TAS2R1: variants seen among roughly 807,000 people sequenced by gnomAD.
TAS2R1 encodes taste receptor type 2 member 1.
For missense variants in TAS2R1, 370 were observed against 353.4 expected, an observed-to-expected ratio of 1.05 and a Z score of -0.38; for synonymous variants, 141 against 134.2, an observed-to-expected ratio of 1.05 and a Z score of -0.35.
At chr5:9,831,637 G>A in the TAS2R1 span, among the ~76,000 whole-genome samples, 7 of 143,472 alleles carry the variant, frequency 4.9e-5, no homozygotes, top group East Asian at 1.2e-3. Flanking sequence ...TTTTCAAATC[G>A]TAACATATTA....
upstream of TAS2R1, among the ~76,000 whole-genome samples, chr5:9,632,264 A>G (rs991317467): frequency 1.3e-5 from 2 of 152,234 alleles, no homozygotes; most frequent in Non-Finnish European, 1.5e-5. Context: ...AAAGATATAC[A>G]TACTTTAATT....
In TAS2R1 at chr5:9,708,132, G is replaced by A. The variant is rs151116781; in HGVS notation, c.-242+4040C>T. Among the ~76,000 whole-genome samples the A allele has an allele frequency of 6.7e-3, 1,012 of 152,158 alleles. 8 individuals carry two copies. The highest frequency in any genetic ancestry group is 0.023 in the African/African-American group (957 of 41,528). On this transcript the variant is annotated intron_variant, in intron 1 of 2. Transcript: ENST00000506620. ...AATGAAACAAACTTCAAAGTCCAAAGAGGAAAAAAAGAAGGGCCCGTAGAA... is the reference window on the plus strand; with the variant it reads ...AATGAAACAAACTTCAAAGTCCAAAAAGGAAAAAAAGAAGGGCCCGTAGAA...
chr5:9,725,466 G>A, the TAS2R1 span, among the ~76,000 whole-genome samples: 1 of 152,214 alleles, frequency 6.6e-6, no homozygotes, highest in African/African-American at 2.4e-5. Flanking sequence ...ACCCGGGCCA[G>A]CAGCTGTGAA....
chr5:9,822,236 C>T, the TAS2R1 span, among the ~76,000 whole-genome samples: 7 of 152,224 alleles, frequency 4.6e-5, no homozygotes, highest in African/African-American at 1.4e-4. Flanking sequence ...TGTCACTGTT[C>T]TGATTCCTTG....
intron 1 of TAS2R1, among the ~76,000 whole-genome samples, chr5:9,694,276 A>G (rs766969960): frequency 1.6e-4 from 24 of 152,362 alleles, no homozygotes; most frequent in Admixed American, 1.4e-3. Flanking sequence ...ATTTTAATGC[A>G]TGAAAATGTG....
At chr5:9,682,083 C>T (rs1173513824) in intron 1 of TAS2R1, among the ~76,000 whole-genome samples, 1 of 151,904 alleles carries the variant, frequency 6.6e-6, no homozygotes, top group Non-Finnish European at 1.5e-5. Context: ...TCAGGATAAC[C>T]AAAATGAATT....
chr5:9,667,362 G>A (rs1227923380), intron 1 of TAS2R1, among the ~76,000 whole-genome samples: 1 of 152,098 alleles, frequency 6.6e-6, no homozygotes, highest in Non-Finnish European at 1.5e-5. Context: ...TTTGCCAAAG[G>A]GTACAGCCTC....
the TAS2R1 span, among the ~76,000 whole-genome samples, chr5:9,879,369 T>C: frequency 1.3e-5 from 2 of 152,318 alleles, no homozygotes; most frequent in South Asian, 2.1e-4. Flanking sequence ...TGCATTTCCA[T>C]GATCAAGGGC....
At chr5:9,791,205 C>A in the TAS2R1 span, among the ~76,000 whole-genome samples, 1 of 151,586 alleles carries the variant, frequency 6.6e-6, no homozygotes, top group Non-Finnish European at 1.5e-5. Context: ...CACACACATA[C>A]ACACACACAC....
chr5:9,749,776 A>G, the TAS2R1 span, among the ~76,000 whole-genome samples: 1 of 152,216 alleles, frequency 6.6e-6, no homozygotes, highest in Non-Finnish European at 1.5e-5. Context: ...TTAACACAAC[A>G]AAACTGATTT....
the TAS2R1 span, among the ~76,000 whole-genome samples, chr5:9,835,931 C>A: frequency 6.6e-6 from 1 of 152,044 alleles, no homozygotes; most frequent in African/African-American, 2.4e-5. Context: ...ATCATCAGAC[C>A]CCAGATAAAA....
At chr5:9,705,915 G>A (rs567261430) in intron 1 of TAS2R1, among the ~76,000 whole-genome samples, 3 of 152,180 alleles carry the variant, frequency 2.0e-5, no homozygotes, top group Non-Finnish European at 2.9e-5. Context: ...GAGACCAGCA[G>A]GTCACCTTAC....
the TAS2R1 span, among the ~76,000 whole-genome samples, chr5:9,739,388 G>T: frequency 6.6e-6 from 1 of 152,154 alleles, no homozygotes; most frequent in South Asian, 2.1e-4. Flanking sequence ...ACCCCTGGAG[G>T]CACTATGTGT....
the TAS2R1 span, among the ~76,000 whole-genome samples, chr5:9,857,959 C>T: frequency 6.6e-6 from 1 of 152,100 alleles, no homozygotes; most frequent in African/African-American, 2.4e-5. Context: ...CAGGTGCCAA[C>T]CTGGTGACTA....
the TAS2R1 span, among the ~76,000 whole-genome samples, chr5:9,811,253 G>A: frequency 6.6e-6 from 1 of 152,188 alleles, no homozygotes; most frequent in African/African-American, 2.4e-5. Context: ...TGAATCTGCT[G>A]ACACCTTGGT....
At chr5:9,867,254 A>T in the TAS2R1 span, 5 of 152,210 alleles carry the variant, frequency 3.3e-5, no homozygotes, top group Admixed American at 2.6e-4. Context: ...AATTGCATAC[A>T]TGCCAGACAC....
the TAS2R1 span, among the ~76,000 whole-genome samples, chr5:9,749,303 G>T: frequency 6.6e-6 from 1 of 152,312 alleles, no homozygotes; most frequent in Non-Finnish European, 1.5e-5. Context: ...ATCACCATTT[G>T]TGTAGACCTT....
chr5:9,763,903 T>C, the TAS2R1 span, among the ~76,000 whole-genome samples: 4 of 152,034 alleles, frequency 2.6e-5, no homozygotes, highest in African/African-American at 9.7e-5. Flanking sequence ...TAAAACAATA[T>C]GGAAAATAAA....
chr5:9,710,282 A>T (rs925797257), intron 1 of TAS2R1, among the ~76,000 whole-genome samples: 2 of 151,102 alleles, frequency 1.3e-5, no homozygotes, highest in Admixed American at 6.6e-5. Context: ...CAACTTATCG[A>T]GTGCCCTCCA....
Sources: gnomAD v4.1 joint callset for allele counts (sites outside exome capture counted in the v4.1 genomes callset) on GRCh38, gnomAD v4.1.1 for gene constraint, MANE v1.5 for transcripts, NCBI Gene and HGNC (gene_info 2026-07-23, HGNC 2026-07-21) for gene names.